NCKAP5: variants seen among roughly 807,000 people sequenced by gnomAD.
The protein encoded by NCKAP5 is nck-associated protein 5.
In NCKAP5, 92 loss-of-function variants were observed where a neutral mutation model predicts 167.0. The observed-to-expected ratio is 0.55, with a 90% CI of 0.47 to 0.66. NCKAP5 has a LOEUF of 0.66. NCKAP5 is among the 30% of genes least tolerant of loss of function. The probability of loss-of-function intolerance (pLI) is 0.00; values close to 1 mark genes in which losing one functional copy is unlikely to be tolerated. For synonymous variants in NCKAP5, 891 were observed against 877.4 expected (o/e 1.02, Z -0.27); for missense variants, 2,378 against 2,315.0 (o/e 1.03, Z -0.56).
intron 3 of NCKAP5, among the ~76,000 whole-genome samples, chr2:133,432,554 C>G (rs373023888): frequency 1.2e-4 from 18 of 152,256 alleles, no homozygotes; most frequent in African/African-American, 4.3e-4. Context: ...GCTCCAAATA[C>G]AAGCCTGTCA....
chr2:133,616,077 G>C, the NCKAP5 span, among the ~76,000 whole-genome samples: 3 of 151,490 alleles, frequency 2.0e-5, no homozygotes, highest in African/African-American at 7.3e-5. Flanking sequence ...AATGAAGGCA[G>C]AAATAAAGAT....
intron 6 of NCKAP5, among the ~76,000 whole-genome samples, chr2:133,043,866 G>GTTT (rs60249951): frequency 7.1e-6 from 1 of 141,722 alleles, no homozygotes; most frequent in Non-Finnish European, 1.6e-5. Context: ...TTCTGTAATA[G>GTTT]TTTTTTTTTT....
At chr2:133,638,156 T>C in the NCKAP5 span, among the ~76,000 whole-genome samples, 1 of 152,162 alleles carries the variant, frequency 6.6e-6, no homozygotes, top group African/African-American at 2.4e-5. Context: ...TTTTAGAGTT[T>C]ATTATGAATA....
intron 5 of NCKAP5, among the ~76,000 whole-genome samples, chr2:133,208,086 C>G (rs1559268314): frequency 6.6e-6 from 1 of 152,144 alleles, no homozygotes; most frequent in Non-Finnish European, 1.5e-5. Context: ...TGCCTGTAAT[C>G]CCAACACTTC....
intron 3 of NCKAP5, among the ~76,000 whole-genome samples, chr2:133,400,151 T>C (rs956342444): frequency 6.6e-6 from 1 of 152,184 alleles, no homozygotes; most frequent in Non-Finnish European, 1.5e-5. Context: ...TACAGATTTA[T>C]GCATAAAATA....
At chr2:132,808,157 C>T (rs1290982557) in intron 11 of NCKAP5, among the ~76,000 whole-genome samples, 1 of 152,038 alleles carries the variant, frequency 6.6e-6, no homozygotes, top group African/African-American at 2.4e-5. Context: ...ATTCGGTTAG[C>T]TAGTATTTTG....
At chr2:133,423,530 A>T (rs932044319) in intron 3 of NCKAP5, among the ~76,000 whole-genome samples, 2 of 152,164 alleles carry the variant, frequency 1.3e-5, no homozygotes, top group Non-Finnish European at 2.9e-5. Flanking sequence ...ATTATATGTT[A>T]TTAATTGGGG....
intron 6 of NCKAP5, among the ~76,000 whole-genome samples, chr2:133,016,174 C>T (rs747725015): frequency 3.3e-5 from 5 of 152,166 alleles, no homozygotes; most frequent in Non-Finnish European, 5.9e-5. Context: ...CCATGCTCCG[C>T]AGTAAAACCA....
chr2:133,634,148 G>A, the NCKAP5 span, among the ~76,000 whole-genome samples: 1 of 152,120 alleles, frequency 6.6e-6, no homozygotes, highest in Non-Finnish European at 1.5e-5. Context: ...CTGAGCTGTG[G>A]GCTGTGTACT....
chr2:133,487,148 A>C (rs1680980604), intron 3 of NCKAP5, among the ~76,000 whole-genome samples: 1 of 152,200 alleles, frequency 6.6e-6, no homozygotes, highest in South Asian at 2.1e-4. Flanking sequence ...AAGAAAATAC[A>C]AATTCACACT....
intron 19 of NCKAP5, among the ~76,000 whole-genome samples, chr2:132,704,492 C>T (rs1376680389): frequency 6.6e-6 from 1 of 152,200 alleles, no homozygotes; most frequent in Non-Finnish European, 1.5e-5. Flanking sequence ...TGCACATCTC[C>T]TCTGTGCATT....
intron 2 of NCKAP5, among the ~76,000 whole-genome samples, chr2:133,553,582 T>C (rs951190850): frequency 6.6e-6 from 1 of 152,056 alleles, no homozygotes; most frequent in African/African-American, 2.4e-5. Context: ...GAGATGATGA[T>C]AGAAGACATT....
chr2:132,716,598 C>T (rs1051510293), intron 19 of NCKAP5, among the ~76,000 whole-genome samples: 5 of 151,716 alleles, frequency 3.3e-5, no homozygotes, highest in Non-Finnish European at 5.9e-5. Context: ...ACTGGGGGTT[C>T]GGTGGTAATG....
intron 8 of NCKAP5, among the ~76,000 whole-genome samples, chr2:132,893,956 T>C (rs1692930410): frequency 6.6e-6 from 1 of 151,954 alleles, no homozygotes. Context: ...TGAAGGAAAA[T>C]TGTGGAAGGG....
At chr2:133,173,663 C>T (rs2084339328) in intron 5 of NCKAP5, among the ~76,000 whole-genome samples, 1 of 152,166 alleles carries the variant, frequency 6.6e-6, no homozygotes, top group Non-Finnish European at 1.5e-5. Context: ...AGAATTGAGC[C>T]TGAATTGAGT....
chr2:132,808,743 T>C (rs1390129107), intron 11 of NCKAP5, among the ~76,000 whole-genome samples: 4 of 152,122 alleles, frequency 2.6e-5, no homozygotes, highest in African/African-American at 9.7e-5. Context: ...TCATCTTTTG[T>C]ATTTTTTTTG....
intron 1 of NCKAP5, among the ~76,000 whole-genome samples, chr2:133,567,210 G>C (rs1688613369): frequency 6.6e-6 from 1 of 152,238 alleles, no homozygotes. Flanking sequence ...GCTACTGGTT[G>C]CAAGAGGCTG....
At chr2:133,382,419 C>T (rs1171237584) in intron 3 of NCKAP5, among the ~76,000 whole-genome samples, 2 of 152,126 alleles carry the variant, frequency 1.3e-5, no homozygotes, top group African/African-American at 2.4e-5. Context: ...TCACTTAAAC[C>T]ATTCAATACC....
intron 18 of NCKAP5, among the ~76,000 whole-genome samples, chr2:132,726,949 C>T (rs527359698): frequency 6.6e-6 from 1 of 152,292 alleles, no homozygotes; most frequent in East Asian, 1.9e-4. Context: ...CCAGTCTGGA[C>T]ATGATGAGGT....
Sources: gnomAD v4.1 joint callset for allele counts (sites outside exome capture counted in the v4.1 genomes callset) on GRCh38, gnomAD v4.1.1 for gene constraint, MANE v1.5 for transcripts, NCBI Gene and HGNC (gene_info 2026-07-23, HGNC 2026-07-21) for gene names.